Variants in PDK1 observed in about 807,000 individuals in gnomAD.
The protein encoded by PDK1 is [Pyruvate dehydrogenase (acetyl-transferring)] kinase isozyme 1, mitochondrial.
A neutral mutation model predicts 54.2 loss-of-function variants in PDK1; 39 were observed. That is an observed-to-expected ratio of 0.72 (90% CI 0.56 to 0.94). The LOEUF is 0.94. Among genes scored for constraint, PDK1 ranks in the 40% least tolerant of loss-of-function variants. PDK1 has a pLI of 0.00. For synonymous variants in PDK1, 221 were observed against 207.1 expected (o/e 1.07, Z -0.58); for missense variants, 552 against 566.0 (o/e 0.98, Z 0.25).
intron 3 of PDK1, 73 bp from the exon 4 acceptor site, chr2:172,564,430 G>T: frequency 8.2e-7 from 1 of 1,220,308 alleles, no homozygotes; most frequent in African/African-American, 1.5e-5. Context: ...TAGCATAGTT[G>T]GTTAAGCTTA....
At chr2:172,556,835 T>G (rs1366616110) in intron 1 of PDK1, among the ~76,000 whole-genome samples, 1 of 152,214 alleles carries the variant, frequency 6.6e-6, no homozygotes, top group Non-Finnish European at 1.5e-5. Context: ...GCCAGTGGCT[T>G]AAAACTGTTG....
In PDK1 at chr2:172,607,953, CTG is replaced by C. The variant is rs1691350229; in HGVS notation, c.*11986_*11987del. The C allele has an allele frequency of 6.6e-6, 1 of 152,120 alleles. No individual in the cohort carries two copies. The highest frequency in any genetic ancestry group is 6.5e-5 in the Admixed American group (1 of 15,270). The allele number at this position is 152,120 out of a possible 1,614,324, so 9.4% of individuals were successfully genotyped here. A position where few individuals can be genotyped will look rare whatever the true frequency, so the allele number is the denominator to read the frequency against. ...AAAGGAGCTGTGTTTCAGTGTTAGA[CTG>C]TAGTTATCCAAGCAGTATCAGATAG... On this transcript the variant is annotated 3_prime_UTR_variant, in exon 11 of 11. Coordinates refer to ENST00000282077, the MANE Select transcript of PDK1 (RefSeq NM_002610.5).
At chr2:172,667,006 G>A in the PDK1 span, among the ~76,000 whole-genome samples, 2 of 152,268 alleles carry the variant, frequency 1.3e-5, no homozygotes, top group Admixed American at 1.3e-4. Flanking sequence ...TCTAAGGGGT[G>A]CAGTTTTGTT....
the PDK1 span, among the ~76,000 whole-genome samples, chr2:172,618,876 A>G: frequency 1.3e-5 from 2 of 152,128 alleles, no homozygotes; most frequent in Non-Finnish European, 2.9e-5. Flanking sequence ...AGGCTAGAGA[A>G]GTGGGCCATT....
At chr2:172,564,200 C>T in intron 3 of PDK1, 1 of 473,260 alleles carries the variant, frequency 2.1e-6, no homozygotes, top group Non-Finnish European at 4.1e-6. Flanking sequence ...GCTCAGATGA[C>T]CTTAGTTGAT....
At chr2:172,681,097 G>A in the PDK1 span, among the ~76,000 whole-genome samples, 1 of 152,208 alleles carries the variant, frequency 6.6e-6, no homozygotes, top group Non-Finnish European at 1.5e-5. Flanking sequence ...GTTTTGGACT[G>A]TAATAACTCT....
the PDK1 span, among the ~76,000 whole-genome samples, chr2:172,614,281 T>C: frequency 1.4e-5 from 2 of 146,434 alleles, no homozygotes; most frequent in Non-Finnish European, 3.0e-5. Context: ...GCCAGGGAGG[T>C]CCTGAAGACT....
the PDK1 span, among the ~76,000 whole-genome samples, chr2:172,625,522 T>C: frequency 6.6e-6 from 1 of 152,214 alleles, no homozygotes; most frequent in Non-Finnish European, 1.5e-5. Flanking sequence ...TACCTCTCTA[T>C]GCTTGGAACA....
chr2:172,581,601 C>T (rs1290855855), intron 8 of PDK1, among the ~76,000 whole-genome samples: 3 of 152,116 alleles, frequency 2.0e-5, no homozygotes, highest in Non-Finnish European at 2.9e-5. Flanking sequence ...TTCTGCTCCT[C>T]ACATCCAAGG....
At chr2:172,641,947 C>G in the PDK1 span, among the ~76,000 whole-genome samples, 2 of 152,076 alleles carry the variant, frequency 1.3e-5, no homozygotes, top group African/African-American at 4.8e-5. Context: ...CAGAGAAAAC[C>G]TTTGTCCTGA....
chr2:172,700,442 GAT>G, the PDK1 span, among the ~76,000 whole-genome samples: 1 of 151,514 alleles, frequency 6.6e-6, no homozygotes, highest in African/African-American at 2.4e-5. Context: ...CATCCCAGAC[GAT>G]GGGCGGCAGG....
At chr2:172,668,906 TAGAGAGAGAGAGAG>T in the PDK1 span, among the ~76,000 whole-genome samples, 14 of 130,650 alleles carry the variant, frequency 1.1e-4, no homozygotes, top group Admixed American at 4.7e-4. Flanking sequence ...TATATATATA[TAGAGAGAGAGAGAG>T]AGAGAGAGAG....
chr2:172,633,383 T>A, the PDK1 span, among the ~76,000 whole-genome samples: 2 of 2,504 alleles, frequency 8.0e-4, no homozygotes, highest in Non-Finnish European at 6.6e-3. Context: ...TTTTCTTTCT[T>A]TTTTTTTTTT....
chr2:172,689,798 T>C, the PDK1 span, among the ~76,000 whole-genome samples: 3 of 138,684 alleles, frequency 2.2e-5, no homozygotes, highest in Non-Finnish European at 3.2e-5. Context: ...GCTAGCCATA[T>C]GTAGAAAGCT....
At chr2:172,707,526 G>T in the PDK1 span, among the ~76,000 whole-genome samples, 111 of 152,302 alleles carry the variant, frequency 7.3e-4, no homozygotes, top group Non-Finnish European at 3.1e-4. Context: ...CTTCCAGGCT[G>T]CCAGCTTCGA....
Position 172,566,881 on chromosome 2 carries a change from G to C in PDK1, c.717G>C (p.Leu239=). The change falls in exon 6 of 11, where the codon CTG becomes CTC. Residue 239 remains leucine (L), a synonymous_variant. Coordinates refer to ENST00000282077, the MANE Select transcript of PDK1 (RefSeq NM_002610.5). ...ATGGCTATGAAAATGCTAGGCGTCT[G>C]TGTGATTTGTATTATATTAACTCTC... ...IKDGYENARR[L]CDLYYINSPE... is the part of the protein sequence containing the mutation. 1 of 1,611,170 alleles carries C rather than the reference G, an allele frequency of 6.2e-7. No homozygotes were observed. The highest frequency in any genetic ancestry group is 1.1e-5 in the South Asian group (1 of 90,880).
upstream of PDK1, chr2:172,556,028 TG>T: frequency 3.0e-6 from 2 of 662,684 alleles, no homozygotes; most frequent in Non-Finnish European, 4.5e-6. Context: ...GCTAGGAGGG[TG>T]GGGGCCGCGC....
At chr2:172,656,193 T>TATTTAGTA in the PDK1 span, among the ~76,000 whole-genome samples, 4 of 152,222 alleles carry the variant, frequency 2.6e-5, no homozygotes, top group African/African-American at 7.2e-5. Flanking sequence ...CTAAGTATTT[T>TATTTAGTA]TTACACTAAA....
chr2:172,640,862 G>A, the PDK1 span, among the ~76,000 whole-genome samples: 2 of 152,102 alleles, frequency 1.3e-5, no homozygotes, highest in Non-Finnish European at 2.9e-5. Flanking sequence ...CAGTAGCCTT[G>A]AGAATGAAAA....
Sources: gnomAD v4.1 joint callset for allele counts (sites outside exome capture counted in the v4.1 genomes callset) on GRCh38, gnomAD v4.1.1 for gene constraint, MANE v1.5 for transcripts, NCBI Gene and HGNC (gene_info 2026-07-23, HGNC 2026-07-21) for gene names.